Variants in RARA observed in about 807,000 individuals in gnomAD.
RARA encodes the protein retinoic acid receptor alpha.
A neutral mutation model predicts 42.8 loss-of-function variants in RARA; 5 were observed. The observed-to-expected ratio is 0.12, with a 90% CI of 0.06 to 0.25. The LOEUF (loss-of-function observed/expected upper bound fraction) is 0.25, where lower values mean the gene tolerates loss of function less well. Ranked by LOEUF, RARA falls within the 10% of genes least tolerant of loss-of-function variation. The probability of loss-of-function intolerance (pLI) is 1.00; values close to 1 mark genes in which losing one functional copy is unlikely to be tolerated. For missense variants in RARA, 402 were observed against 628.7 expected, an observed-to-expected ratio of 0.64 and a Z score of 3.86; for synonymous variants, 256 against 259.5, an observed-to-expected ratio of 0.99 and a Z score of 0.13.
chr17:40,345,705 G>A lies in RARA; in HGVS notation c.179-2611G>A, dbSNP rs2034243544. ...GGAAGAGGAGAGATTGGTGGGCTGGGCCTCTGGGGAGGGAGGTTAGCAGGG... is the reference window on the plus strand; with the variant it reads ...GGAAGAGGAGAGATTGGTGGGCTGGACCTCTGGGGAGGGAGGTTAGCAGGG... On this transcript the variant is annotated intron_variant, in intron 2 of 8. Transcript: ENST00000254066. This position sits in a 1 kb window ranked among gnomAD's most constrained non-coding sequence, Gnocchi z 4.8. 6.6e-6 allele frequency among the ~76,000 whole-genome samples: 1 copy of A among 152,226 alleles called. No individual in the cohort carries two copies. The highest frequency in any genetic ancestry group is 2.4e-5 in the African/African-American group (1 of 41,458).
rs974816114 is a variant in RARA at position 40,355,803 on chromosome 17, A to T, written c.1172-206A>T. The stretch of plus-strand genomic sequence containing the variant: ...GCCCAGGCCGGCAGTCTGGCCCTGG[A>T]GCCGGAGTTCGGGACCACTTTGCCC... On this transcript the variant is annotated intron_variant, in intron 8 of 8. Coordinates refer to ENST00000254066, the MANE Select transcript of RARA (RefSeq NM_000964.4). The surrounding 1 kb of genome is among the most constrained non-coding windows in gnomAD (Gnocchi z 4.1). Among the ~76,000 whole-genome samples, 3 of 152,236 alleles carry T rather than the reference A, an allele frequency of 2.0e-5. No homozygotes were observed. Among genetic ancestry groups the T allele is most frequent in the African/African-American group, 7.2e-5 (3 of 41,458 alleles).
chr17:40,311,428 T>G (rs1265996193), intron 1 of RARA, among the ~76,000 whole-genome samples: 1 of 152,086 alleles, frequency 6.6e-6, no homozygotes, highest in Non-Finnish European at 1.5e-5. Context: ...TGATATTCGA[T>G]GACCTTAATG....
intron 1 of RARA, among the ~76,000 whole-genome samples, chr17:40,311,737 C>T (rs897533609): frequency 2.0e-5 from 3 of 152,136 alleles, no homozygotes; most frequent in African/African-American, 4.8e-5. Flanking sequence ...TCCAGAGAGT[C>T]GCTTAGCTGG....
Position 40,330,969 on chromosome 17 carries a change from C to T in RARA, c.-250C>T, listed in dbSNP as rs765127095. The T allele has an allele frequency of 2.6e-5, 12 of 462,624 alleles. No homozygotes were observed. The highest frequency in any genetic ancestry group is 4.1e-5 in the Admixed American group (1 of 24,364). The allele number at this position is 462,624 out of a possible 1,614,324, so 28.7% of individuals were successfully genotyped here. On this transcript the variant is annotated 5_prime_UTR_variant, in exon 2 of 9. Transcript: ENST00000254066. The stretch of plus-strand genomic sequence containing the variant: ...CCTTCCCAGGAAAAGTGCCAGCTCA[C>T]AGAACTGCTTGACCAAAGGACCGGC...
At chr17:40,311,991 C>T (rs2033104558) in intron 1 of RARA, among the ~76,000 whole-genome samples, 1 of 152,256 alleles carries the variant, frequency 6.6e-6, no homozygotes, top group African/African-American at 2.4e-5. Flanking sequence ...AGTTTTTTTC[C>T]CCATGATATC....
chr17:40,339,465 T>G (rs1348254924), intron 2 of RARA, among the ~76,000 whole-genome samples: 2 of 152,154 alleles, frequency 1.3e-5, no homozygotes, highest in East Asian at 3.9e-4. Flanking sequence ...AGAGCCTTCC[T>G]TGTTTCCCAC....
chr17:40,315,461 G>A (rs2033193272), intron 1 of RARA, among the ~76,000 whole-genome samples: 1 of 152,014 alleles, frequency 6.6e-6, no homozygotes, highest in Admixed American at 6.6e-5. Context: ...TGCCCCTTCA[G>A]GACTGTGAGA....
Position 40,355,289 on chromosome 17 carries a change from C to G in RARA, c.1039C>G (p.Arg347Gly). ...CCGCCAGGACCTGGAGCAGCCGGAC[C>G]GGGTGGACATGCTGCAGGAGCCGCT... ...GDRQDLEQPD[R>G]VDMLQEPLLE... Residue 347 changes from arginine (R) to glycine (G), a missense_variant, in exon 8 of 9, where the codon CGG becomes GGG. This residue lies in a region of RARA where 104 missense variants were observed against 160.1 expected (regional missense o/e 0.65). Transcript: ENST00000254066. The surrounding 1 kb of genome is among the most constrained non-coding windows in gnomAD (Gnocchi z 4.1). The G allele has an allele frequency of 2.5e-6, 4 of 1,592,546 alleles. No homozygotes were observed. The highest frequency in any genetic ancestry group is 3.4e-6 in the Non-Finnish European group (4 of 1,169,306).
chr17:40,342,217 G>T, intron 2 of RARA: 2 of 1,055,142 alleles, frequency 1.9e-6, no homozygotes, highest in Non-Finnish European at 2.3e-6. Flanking sequence ...CCTGGCGGGG[G>T]CGGAACCGCG....
At chr17:40,313,769 A>G (rs7217852) in intron 1 of RARA, among the ~76,000 whole-genome samples, 37,945 of 151,864 alleles carry the variant, frequency 0.25, 7,019 homozygotes, top group African/African-American at 0.52. Flanking sequence ...TGTGGTTCAG[A>G]AGCCCCTCCC....
At chr17:40,315,459 C>T (rs1163810433) in intron 1 of RARA, among the ~76,000 whole-genome samples, 1 of 152,026 alleles carries the variant, frequency 6.6e-6, no homozygotes, top group Non-Finnish European at 1.5e-5. Context: ...CCTGCCCCTT[C>T]AGGACTGTGA....
Position 40,352,242 on chromosome 17 carries a change from CT to C in RARA, c.631-88del, listed in dbSNP as rs2034480513. ...CCAAGGAGCTCCCAGGAAGTGAAGGCTGGGTAGAGGGCAGGCCTGTGGGGGC... is the reference window on the plus strand; with the variant it reads ...CCAAGGAGCTCCCAGGAAGTGAAGGCGGGTAGAGGGCAGGCCTGTGGGGGC... On this transcript the variant is annotated intron_variant, in intron 5 of 8. Coordinates refer to ENST00000254066, the MANE Select transcript of RARA (RefSeq NM_000964.4). The surrounding 1 kb of genome is among the most constrained non-coding windows in gnomAD (Gnocchi z 4.9). The C allele has an allele frequency of 3.3e-6, 5 of 1,508,890 alleles. No individual in the cohort carries two copies. The African/African-American group carries it at 7.0e-5, about 21-fold the overall frequency. 93.5% of individuals were successfully genotyped at this position (1,508,890 alleles called of 1,614,324 possible).
chr17:40,312,597 A>G (rs1172019768), intron 1 of RARA, among the ~76,000 whole-genome samples: 1 of 152,188 alleles, frequency 6.6e-6, no homozygotes, highest in African/African-American at 2.4e-5. Flanking sequence ...AGGAGTGAGG[A>G]AGGGCCAGAG....
Position 40,320,112 on chromosome 17 carries a change from T to C in RARA, c.-362-10745T>C, listed in dbSNP as rs768683775. Reference sequence around the variant, plus strand: ...TTTTGAGGGTGTGATTGAGTGTATATGAGGTGTCACTGCAGGGGTTTCACC... The same window carrying C: ...TTTTGAGGGTGTGATTGAGTGTATACGAGGTGTCACTGCAGGGGTTTCACC... On this transcript the variant is annotated intron_variant, in intron 1 of 8. Coordinates refer to ENST00000254066, the MANE Select transcript of RARA (RefSeq NM_000964.4). This position sits in a 1 kb window ranked among gnomAD's most constrained non-coding sequence, Gnocchi z 4.1. 7.2e-5 allele frequency among the ~76,000 whole-genome samples: 11 copies of C among 152,042 alleles called. No individual in the cohort carries two copies. Among genetic ancestry groups the C allele is most frequent in the Non-Finnish European group, 1.6e-4 (11 of 67,992 alleles).
chr17:40,332,395 T>C (rs2033721916), intron 2 of RARA, among the ~76,000 whole-genome samples: 3 of 152,148 alleles, frequency 2.0e-5, no homozygotes, highest in African/African-American at 7.2e-5. Context: ...CTGCACACCT[T>C]GCCCTGTGCA....
intron 2 of RARA, 82 bp downstream of exon 2, chr17:40,331,478 T>C: frequency 6.8e-7 from 1 of 1,460,700 alleles, no homozygotes; most frequent in East Asian, 2.5e-5. Flanking sequence ...GGCACGTCTG[T>C]TCTGCTGTGA....
At chr17:40,347,850 C>T (rs1162827981) in intron 2 of RARA, among the ~76,000 whole-genome samples, 48 of 104,122 alleles carry the variant, frequency 4.6e-4, no homozygotes, top group Admixed American at 3.0e-3. Flanking sequence ...GCAGAGGGGG[C>T]GGGGGAGTGG....
intron 1 of RARA, among the ~76,000 whole-genome samples, chr17:40,313,934 C>T (rs796275591): frequency 3.1e-4 from 47 of 152,230 alleles, no homozygotes; most frequent in African/African-American, 1.0e-3. Flanking sequence ...CTGGGACTTG[C>T]GGAGTTGCTC....
chr17:40,341,523 G>A (rs1180246326), intron 2 of RARA: 15 of 1,478,566 alleles, frequency 1.0e-5, no homozygotes, highest in Non-Finnish European at 1.8e-6. Context: ...CGCTCTCCGC[G>A]TCTCCGGGGG....
Sources: allele counts gnomAD v4.1 joint callset (sites outside exome capture counted in the v4.1 genomes callset), GRCh38; gene constraint gnomAD v4.1.1; regional missense constraint gnomAD v4.1.1; non-coding constraint Gnocchi (gnomAD v3.1); transcripts MANE v1.5; gene names NCBI Gene and HGNC (gene_info 2026-07-23, HGNC 2026-07-21).